ZSCAN5A: variants seen among roughly 807,000 people sequenced by gnomAD.
ZSCAN5A encodes zinc finger and SCAN domain-containing protein 5A.
Under a neutral mutation model 23.7 loss-of-function variants are expected in ZSCAN5A, and 12 were observed. The ratio of observed to expected loss-of-function variants is 0.51; its 90% CI spans 0.32 to 0.82. The LOEUF (loss-of-function observed/expected upper bound fraction) is 0.82, where lower values mean the gene tolerates loss of function less well. Ranked by LOEUF, ZSCAN5A falls within the 40% of genes least tolerant of loss-of-function variation. The probability of loss-of-function intolerance (pLI) is 0.03; values close to 1 mark genes in which losing one functional copy is unlikely to be tolerated. For synonymous variants in ZSCAN5A, 257 were observed against 239.9 expected (o/e 1.07, Z -0.66); for missense variants, 597 against 617.9 (o/e 0.97, Z 0.36).
At chr19:56,284,971 C>T (rs2038995792) in intron 2 of ZSCAN5A, 1 of 982,082 alleles carries the variant, frequency 1.0e-6, no homozygotes, top group South Asian at 4.7e-5. Context: ...TGCATTTGCA[C>T]ATCATGTGTT....
At chr19:56,301,800 C>A in intron 2 of ZSCAN5A, 1 of 667,760 alleles carries the variant, frequency 1.5e-6, no homozygotes, top group Non-Finnish European at 2.1e-6. Context: ...TGGTGGTAAC[C>A]AAGAAGGGGG....
chr19:56,250,417 C>T (rs1182046273), intron 2 of ZSCAN5A, among the ~76,000 whole-genome samples: 3 of 152,164 alleles, frequency 2.0e-5, no homozygotes, highest in African/African-American at 4.8e-5. Context: ...ACTGTAACCT[C>T]GTGGCCCTCA....
At chr19:56,292,593 A>T (rs535780692) in intron 2 of ZSCAN5A, among the ~76,000 whole-genome samples, 1 of 151,334 alleles carries the variant, frequency 6.6e-6, no homozygotes, top group African/African-American at 2.4e-5. Context: ...CACCTTAACC[A>T]CTTTAAAGTG....
chr19:56,297,476 C>A, intron 2 of ZSCAN5A: 1 of 973,806 alleles, frequency 1.0e-6, no homozygotes, highest in Non-Finnish European at 1.2e-6. Flanking sequence ...CTTCCTGCTT[C>A]TTTTTCTCCT....
intron 2 of ZSCAN5A, chr19:56,304,803 A>G: frequency 1.0e-6 from 1 of 985,244 alleles, no homozygotes; most frequent in African/African-American, 1.7e-5. Context: ...TGTTACTGCC[A>G]CTACTGTAAC....
chr19:56,273,405 C>T (rs181398101), intron 2 of ZSCAN5A, among the ~76,000 whole-genome samples: 1 of 152,296 alleles, frequency 6.6e-6, no homozygotes, highest in African/African-American at 2.4e-5. Context: ...TTTCCTCATT[C>T]GATCCACAAA....
chr19:56,362,394 C>T (rs1418076192), intron 2 of ZSCAN5A, among the ~76,000 whole-genome samples: 4 of 151,760 alleles, frequency 2.6e-5, no homozygotes, highest in African/African-American at 9.7e-5. Context: ...TGGCGAGACC[C>T]CCACCTCTAC....
At chr19:56,259,981 T>C (rs967622353) in intron 2 of ZSCAN5A, among the ~76,000 whole-genome samples, 1 of 152,028 alleles carries the variant, frequency 6.6e-6, no homozygotes, top group Non-Finnish European at 1.5e-5. Flanking sequence ...TTTAAAAAAA[T>C]AAAAATTAAA....
chr19:56,351,258 G>A lies in ZSCAN5A; in HGVS notation c.-358+11977C>T, dbSNP rs746478375. On this transcript the variant is annotated intron_variant, in intron 2 of 6. Transcript: ENST00000587340. The surrounding 1 kb of genome is among the most constrained non-coding windows in gnomAD (Gnocchi z 4.8). ...GGCTGACAAGCTTTGATATGCAAATGCTGGCCACTAGAAACTGGGTCCACT... is the reference window on the plus strand; with the variant it reads ...GGCTGACAAGCTTTGATATGCAAATACTGGCCACTAGAAACTGGGTCCACT... 1.3e-5 allele frequency among the ~76,000 whole-genome samples: 2 copies of A among 152,110 alleles called. No homozygotes were observed. The highest frequency in any genetic ancestry group is 2.9e-5 in the Non-Finnish European group (2 of 68,018).
intron 2 of ZSCAN5A, among the ~76,000 whole-genome samples, chr19:56,344,909 CAAAAAAAAA>C (rs1019131536): frequency 1.6e-3 from 31 of 19,046 alleles, no homozygotes; most frequent in African/African-American, 4.9e-3. Flanking sequence ...GACTCCGTCT[CAAAAAAAAA>C]AAAAAAAAAA....
At chr19:56,275,638 C>G (rs867935368) in intron 2 of ZSCAN5A, among the ~76,000 whole-genome samples, 1 of 152,136 alleles carries the variant, frequency 6.6e-6, no homozygotes, top group Admixed American at 6.5e-5. Context: ...GTGTGATGAC[C>G]ACAGATTCTT....
At chr19:56,356,284 T>C (rs1428880226) in intron 2 of ZSCAN5A, among the ~76,000 whole-genome samples, 1 of 148,782 alleles carries the variant, frequency 6.7e-6, no homozygotes, top group African/African-American at 2.5e-5. Context: ...AGCAGCCACC[T>C]TTTAAACAAT....
chr19:56,245,007 T>C (rs921594807), intron 2 of ZSCAN5A, among the ~76,000 whole-genome samples: 1 of 152,228 alleles, frequency 6.6e-6, no homozygotes, highest in Non-Finnish European at 1.5e-5. Flanking sequence ...TCTCTTTGGT[T>C]TAGAGACCCT....
At chr19:56,278,833 C>T (rs979132898) in intron 2 of ZSCAN5A, among the ~76,000 whole-genome samples, 3 of 152,162 alleles carry the variant, frequency 2.0e-5, no homozygotes, top group Non-Finnish European at 2.9e-5. Flanking sequence ...TTCTGACATC[C>T]AAAGCCAGGA....
At chr19:56,230,615 A>ATGTGTGTGTGTG (rs58270311) in intron 2 of ZSCAN5A, among the ~76,000 whole-genome samples, 61 of 147,682 alleles carry the variant, frequency 4.1e-4, no homozygotes, top group East Asian at 1.0e-3. Flanking sequence ...TTATTTCTTG[A>ATGTGTGTGTGTG]TGTGTGTGTG....
intron 2 of ZSCAN5A, chr19:56,340,921 G>T (rs546744815): frequency 1.3e-5 from 2 of 152,084 alleles, no homozygotes; most frequent in Non-Finnish European, 2.9e-5. Context: ...AACAGGGTCT[G>T]GTGTGGACCT....
chr19:56,246,989 T>C (rs1177207476), intron 2 of ZSCAN5A: 2 of 1,341,118 alleles, frequency 1.5e-6, no homozygotes, highest in South Asian at 1.2e-5. Flanking sequence ...ATAAATTCAG[T>C]TTATTCCCCA....
intron 2 of ZSCAN5A, among the ~76,000 whole-genome samples, chr19:56,350,520 T>C (rs1020458277): frequency 1.3e-5 from 2 of 152,250 alleles, no homozygotes; most frequent in African/African-American, 2.4e-5. Flanking sequence ...CCCAATCATA[T>C]TGCAAGTTGT....
chr19:56,253,095 G>T (rs1424116831), intron 2 of ZSCAN5A, among the ~76,000 whole-genome samples: 1 of 152,172 alleles, frequency 6.6e-6, no homozygotes, highest in East Asian at 1.9e-4. Context: ...AAGCTGGGAG[G>T]CAATTGACTG....
Sources: allele counts gnomAD v4.1 joint callset (sites outside exome capture counted in the v4.1 genomes callset), GRCh38; gene constraint gnomAD v4.1.1; non-coding constraint Gnocchi (gnomAD v3.1); transcripts MANE v1.5; gene names NCBI Gene and HGNC (gene_info 2026-07-23, HGNC 2026-07-21).